KIAA1328: variants seen among roughly 807,000 people sequenced by gnomAD.
KIAA1328 encodes KIAA1328.
A neutral mutation model predicts 68.1 loss-of-function variants in KIAA1328; 52 were observed. That is an observed-to-expected ratio of 0.76 (90% CI 0.61 to 0.96). The LOEUF (loss-of-function observed/expected upper bound fraction) is 0.96. Among genes scored for constraint, KIAA1328 ranks in the 40% least tolerant of loss-of-function variants. KIAA1328 has a pLI of 0.00. For synonymous variants in KIAA1328, 232 were observed against 239.4 expected (o/e 0.97, Z 0.28); for missense variants, 641 against 677.6 (o/e 0.95, Z 0.60).
intron 7 of KIAA1328, among the ~76,000 whole-genome samples, chr18:37,101,010 C>A (rs934000126): frequency 6.6e-6 from 1 of 152,118 alleles, no homozygotes; most frequent in Non-Finnish European, 1.5e-5. Flanking sequence ...CACACCAAAA[C>A]CCCATCTGTA....
rs191390233 is a variant in KIAA1328, at chr18:36,989,843, C to T, written c.576+30408C>T. ...CCAAGTAGCTGGGCCTACAGGTGCC[C>T]GCCACCACGCTCAGCTAATTTTTTG... On this transcript the variant is annotated intron_variant, in intron 6 of 9. Coordinates refer to ENST00000280020, the MANE Select transcript of KIAA1328 (RefSeq NM_020776.3). 3.9e-5 allele frequency among the ~76,000 whole-genome samples: 6 copies of T among 152,102 alleles called. No homozygotes were observed. The East Asian group carries it at 9.7e-4, about 25-fold the overall frequency.
At chr18:36,907,842 C>T (rs1024478690) in intron 5 of KIAA1328, among the ~76,000 whole-genome samples, 2 of 152,004 alleles carry the variant, frequency 1.3e-5, no homozygotes, top group African/African-American at 2.4e-5. Context: ...CTCTTAAATT[C>T]GTGTTAAAAT....
At chr18:37,183,565 C>T (rs1301206515) in intron 9 of KIAA1328, among the ~76,000 whole-genome samples, 2 of 152,146 alleles carry the variant, frequency 1.3e-5, no homozygotes, top group Non-Finnish European at 2.9e-5. Context: ...AAGCCCAGGG[C>T]CTCTTCTTTC....
At chr18:37,207,206 G>T (rs760527056) in intron 9 of KIAA1328, among the ~76,000 whole-genome samples, 14 of 152,186 alleles carry the variant, frequency 9.2e-5, no homozygotes, top group South Asian at 2.1e-4. Flanking sequence ...GACATTGGAA[G>T]TACGTCCCCC....
intron 9 of KIAA1328, chr18:37,193,554 G>T (rs1322281186): frequency 4.4e-5 from 31 of 700,150 alleles, no homozygotes; most frequent in Non-Finnish European, 2.6e-5. Flanking sequence ...TTTAATCCTT[G>T]AACCACTCAT....
chr18:37,003,422 T>A lies in KIAA1328; in HGVS notation c.576+43987T>A, dbSNP rs536264601. ...ACAACCTGTTGAATGACAGAAAATA[T>A]TTGCTAACTGTTCACCTGGCAGGGG... On this transcript the variant is annotated intron_variant, in intron 6 of 9. Coordinates refer to ENST00000280020, the MANE Select transcript of KIAA1328 (RefSeq NM_020776.3). Among the ~76,000 whole-genome samples the A allele has an allele frequency of 4.6e-5, 7 of 152,166 alleles. No individual in the cohort carries two copies. The South Asian group carries it at 1.4e-3, about 32-fold the overall frequency.
chr18:37,074,591 C>T lies in KIAA1328; in HGVS notation c.1232+7046C>T, dbSNP rs1236876515. ...TTCTTCCAGTTGATCGCATCGGCTC[C>T]TGAGGCTTCTGCATTGTTCACGTAG... On this transcript the variant is annotated intron_variant, in intron 7 of 9. Transcript: ENST00000280020. Among the ~76,000 whole-genome samples the T allele has an allele frequency of 2.0e-5, 3 of 152,180 alleles. 1 individual carries two copies. The highest frequency in any genetic ancestry group is 1.3e-4 in the Admixed American group (2 of 15,272).
At chr18:37,034,860 G>A (rs772772700) in intron 6 of KIAA1328, among the ~76,000 whole-genome samples, 5 of 152,130 alleles carry the variant, frequency 3.3e-5, no homozygotes, top group South Asian at 4.1e-4. Flanking sequence ...ATGAGGTAAC[G>A]TGGTACTGTG....
chr18:36,979,965 G>A (rs779733901), intron 6 of KIAA1328, among the ~76,000 whole-genome samples: 17 of 152,112 alleles, frequency 1.1e-4, no homozygotes, highest in Non-Finnish European at 2.4e-4. Context: ...GGGTCTCACC[G>A]TCATGAACAG....
intron 6 of KIAA1328, among the ~76,000 whole-genome samples, chr18:36,992,873 G>A (rs991910984): frequency 1.2e-4 from 19 of 152,190 alleles, no homozygotes; most frequent in African/African-American, 4.6e-4. Context: ...GGAGGCCAAG[G>A]CGAGTGGATC....
chr18:37,044,102 C>G (rs972677565), intron 6 of KIAA1328, among the ~76,000 whole-genome samples: 1 of 152,190 alleles, frequency 6.6e-6, no homozygotes, highest in Non-Finnish European at 1.5e-5. Flanking sequence ...TTTTGCTTCT[C>G]AACTTTCCTT....
intron 5 of KIAA1328, among the ~76,000 whole-genome samples, chr18:36,935,749 A>G (rs2050475736): frequency 6.6e-6 from 1 of 152,144 alleles, no homozygotes; most frequent in South Asian, 2.1e-4. Context: ...TGTGTTAAGT[A>G]TATACTGTGT....
chr18:36,939,908 ATTTTATATATTC>A (rs1344665738), intron 5 of KIAA1328, among the ~76,000 whole-genome samples: 1 of 152,058 alleles, frequency 6.6e-6, no homozygotes, highest in Non-Finnish European at 1.5e-5. Flanking sequence ...AAAAATATCT[ATTTTATATATTC>A]TTTTATATAT....
At chr18:36,899,233 A>T (rs968757031) in intron 5 of KIAA1328, among the ~76,000 whole-genome samples, 6 of 151,908 alleles carry the variant, frequency 3.9e-5, no homozygotes, top group African/African-American at 1.4e-4. Context: ...ATGGACACTG[A>T]TTATTTATAG....
At chr18:36,952,509 G>A (rs1199478877) in intron 5 of KIAA1328, among the ~76,000 whole-genome samples, 2 of 152,028 alleles carry the variant, frequency 1.3e-5, no homozygotes, top group Non-Finnish European at 2.9e-5. Context: ...TGCCCTGTGA[G>A]GTGAGGTAGA....
At chr18:37,097,522 T>G (rs1220781269) in intron 7 of KIAA1328, among the ~76,000 whole-genome samples, 1 of 152,202 alleles carries the variant, frequency 6.6e-6, no homozygotes, top group East Asian at 1.9e-4. Context: ...CCTCCAGCTT[T>G]GTTCTTTTGG....
chr18:37,099,909 T>G (rs1201133422), intron 7 of KIAA1328, among the ~76,000 whole-genome samples: 1 of 152,200 alleles, frequency 6.6e-6, no homozygotes, highest in African/African-American at 2.4e-5. Flanking sequence ...CCTGCCTTTT[T>G]TTGTTTTCCA....
intron 7 of KIAA1328, among the ~76,000 whole-genome samples, chr18:37,091,019 A>G (rs1186592131): frequency 6.6e-6 from 1 of 152,212 alleles, no homozygotes; most frequent in Admixed American, 6.5e-5. Flanking sequence ...CAGAATATAG[A>G]CGTTCTCTTG....
At chr18:36,952,137 A>G (rs1461883345) in intron 5 of KIAA1328, among the ~76,000 whole-genome samples, 1 of 151,994 alleles carries the variant, frequency 6.6e-6, no homozygotes, top group Non-Finnish European at 1.5e-5. Context: ...CATATTGATC[A>G]TTTTTTTCTT....
Sources: allele counts gnomAD v4.1 joint callset (sites outside exome capture counted in the v4.1 genomes callset), GRCh38; gene constraint gnomAD v4.1.1; transcripts MANE v1.5; gene names NCBI Gene and HGNC (gene_info 2026-07-23, HGNC 2026-07-21).